Variants in PTPN23 observed in about 807,000 individuals in gnomAD.
PTPN23 encodes the protein tyrosine-protein phosphatase non-receptor type 23.
PTPN23 carries 72 observed loss-of-function variants against 156.3 expected under a neutral mutation model. The observed-to-expected ratio is 0.46, with a 90% CI of 0.38 to 0.56. The LOEUF is 0.56. Ranked by LOEUF, PTPN23 falls within the 20% of genes least tolerant of loss-of-function variation. The pLI is 0.00. For missense variants in PTPN23, 1,974 were observed against 2,171.5 expected, an observed-to-expected ratio of 0.91 and a Z score of 1.81; for synonymous variants, 957 against 899.6, an observed-to-expected ratio of 1.06 and a Z score of -1.14.
chr3:47,396,093 C>G, intron 1 of PTPN23, 50 bp from the exon 2 acceptor site: 1 of 1,498,222 alleles, frequency 6.7e-7, no homozygotes, highest in Non-Finnish European at 9.2e-7. Context: ...ACTCAGAGGG[C>G]AAGGCGGGGG....
chr3:47,400,687 C>T (rs1314280941), intron 2 of PTPN23, among the ~76,000 whole-genome samples: 4 of 152,152 alleles, frequency 2.6e-5, no homozygotes, highest in Admixed American at 1.3e-4. Context: ...GATTCTCCTG[C>T]CTCAGCCTCC....
intron 15 of PTPN23, 111 bp downstream of exon 15, chr3:47,408,601 G>T: frequency 2.7e-6 from 4 of 1,480,150 alleles, no homozygotes; most frequent in Non-Finnish European, 3.6e-6. Context: ...CTAGGCCCTG[G>T]CTTGGGCATC....
At position 47,405,478 on chromosome 3, in the gene PTPN23, A is replaced by C; in HGVS notation, c.365-271A>C. 4 of 553,274 alleles carry C rather than the reference A, an allele frequency of 7.2e-6. No individual in the cohort carries two copies. The highest frequency in any genetic ancestry group is 1.3e-5 in the Non-Finnish European group (4 of 310,646). 34.3% of individuals were successfully genotyped at this position (553,274 alleles called of 1,614,324 possible). A position where few individuals can be genotyped will look rare whatever the true frequency, so the allele number is the denominator to read the frequency against. The stretch of plus-strand genomic sequence containing the variant: ...TCAAGGGAGAAGCTTGGGGAGCCCC[A>C]GAGTTCTGTGCAAACATCCCTGAAG... On this transcript the variant is annotated intron_variant, in intron 4 of 24. Coordinates refer to ENST00000265562, the MANE Select transcript of PTPN23 (RefSeq NM_015466.4). The surrounding 1 kb of genome is among the most constrained non-coding windows in gnomAD (Gnocchi z 4.7).
At chr3:47,395,934 C>G (rs1439593564) in intron 1 of PTPN23, among the ~76,000 whole-genome samples, 2 of 151,576 alleles carry the variant, frequency 1.3e-5, no homozygotes, top group African/African-American at 4.8e-5. Context: ...TTAGGAGGAC[C>G]TGCCAGAGTG....
In PTPN23 at chr3:47,410,977, TG is replaced by T; in HGVS notation, c.3182del (p.Gly1061AlafsTer99). ...GGTCCTGCCCCTTCTACCAGACCCA[TG>T]GGCCCCCAGGCAGCCCCTCTTACCA... ...AYGPAPSTRPMGPQAAPLTIR... is the reference protein window; with the variant it reads ...AYGPAPSTRPXGPQAAPLTIR... On this transcript the variant is annotated frameshift_variant, in exon 20 of 25. Coordinates refer to ENST00000265562, the MANE Select transcript of PTPN23 (RefSeq NM_015466.4). LOFTEE classifies it high-confidence loss of function. 1 of 1,602,748 alleles carries T rather than the reference TG, an allele frequency of 6.2e-7. No individual in the cohort carries two copies. Among genetic ancestry groups the T allele is most frequent in the Non-Finnish European group, 8.5e-7 (1 of 1,174,944 alleles).
Position 47,405,586 on chromosome 3 carries a change from C to G in PTPN23, c.365-163C>G. On this transcript the variant is annotated intron_variant, in intron 4 of 24. Transcript: ENST00000265562. The surrounding 1 kb of genome is among the most constrained non-coding windows in gnomAD (Gnocchi z 4.7). Reference sequence around the variant, plus strand: ...GGAGACTGAGGGCTGGGCAGGACTTCTGAGTTTCCCTGTTCCCTCCAGCTT... The same window carrying G: ...GGAGACTGAGGGCTGGGCAGGACTTGTGAGTTTCCCTGTTCCCTCCAGCTT... The G allele has an allele frequency of 1.4e-6, 1 of 701,826 alleles. No homozygotes were observed. 43.5% of individuals were successfully genotyped at this position (701,826 alleles called of 1,614,324 possible).
At position 47,407,795 on chromosome 3, in the gene PTPN23, G is replaced by A; in HGVS notation, c.1102G>A (p.Ala368Thr). The A allele has an allele frequency of 3.7e-6, 6 of 1,614,190 alleles. No homozygotes were observed. The highest frequency in any genetic ancestry group is 5.1e-6 in the Non-Finnish European group (6 of 1,180,030). Residue 368 changes from alanine to threonine, a missense_variant, in exon 13 of 25, where the codon GCC (alanine) becomes ACC (threonine). By Grantham distance (58) the Ala-to-Thr change is moderately conservative. This residue lies in a region of PTPN23 where 726 missense variants were observed against 929.5 expected (regional missense o/e 0.78). Coordinates refer to ENST00000265562, the MANE Select transcript of PTPN23 (RefSeq NM_015466.4). This position sits in a 1 kb window ranked among gnomAD's most constrained non-coding sequence, Gnocchi z 4.0. ...AKLVPMAAHE[A>T]SSLYSEEKAK... Reference sequence around the variant, plus strand: ...ACTGGTACCCATGGCTGCCCACGAGGCCTCGTCACTGTACAGGTGGGTGGA... The same window carrying A: ...ACTGGTACCCATGGCTGCCCACGAGACCTCGTCACTGTACAGGTGGGTGGA...
chr3:47,408,094 G>T, intron 14 of PTPN23, 139 bp downstream of exon 14: 1 of 1,083,872 alleles, frequency 9.2e-7, no homozygotes. Flanking sequence ...CCCGCCTGGG[G>T]TGGTGGGGCT....
At chr3:47,400,655 C>T (rs975426851) in intron 2 of PTPN23, among the ~76,000 whole-genome samples, 9 of 152,048 alleles carry the variant, frequency 5.9e-5, no homozygotes, top group Non-Finnish European at 1.0e-4. Flanking sequence ...CTCACCACAA[C>T]CTCTGCCTCC....
chr3:47,397,764 G>C (rs375055065), intron 2 of PTPN23, among the ~76,000 whole-genome samples: 2 of 152,120 alleles, frequency 1.3e-5, no homozygotes, highest in South Asian at 2.1e-4. Flanking sequence ...CTACCTCCCA[G>C]GTTCAAGTGA....
rs184287415 is a variant in PTPN23, at chr3:47,403,828, C to G, written c.160-824C>G. ...ACATGTGTGAGCCCCTGCACCTGAC[C>G]TGGAGTCCAGTTTTTGACCCTGGTA... is the stretch of plus-strand genomic sequence containing the variant. On this transcript the variant is annotated intron_variant, in intron 2 of 24. Transcript: ENST00000265562. Among the ~76,000 whole-genome samples, 8 of 152,328 alleles carry G rather than the reference C, an allele frequency of 5.3e-5. No individual in the cohort carries two copies. The East Asian group carries it at 1.5e-3, about 29-fold the overall frequency.
chr3:47,396,279 A>C, intron 2 of PTPN23, 62 bp downstream of exon 2: 2 of 1,398,548 alleles, frequency 1.4e-6, no homozygotes, highest in Non-Finnish European at 2.0e-6. Context: ...TAGGGAGATA[A>C]AGAAACTGCC....
chr3:47,410,518 C>T lies in PTPN23; in HGVS notation c.2720C>T (p.Pro907Leu), dbSNP rs149516203. The T allele has an allele frequency of 2.3e-5, 37 of 1,609,718 alleles. No homozygotes were observed. The highest frequency in any genetic ancestry group is 4.5e-5 in the East Asian group (2 of 44,722). ...PRPNPTPAPP[P>L]PCFPVPPPQP... is the part of the protein sequence containing the mutation. ...CCAAACCCCACCCCTGCTCCTCCCC[C>T]GCCCTGCTTCCCTGTGCCCCCACCG... The change falls in exon 20 of 25, where the codon CCG (proline) becomes CTG (leucine). Residue 907 changes from proline to leucine, a missense_variant. By Grantham distance (98) the Pro-to-Leu change is moderately conservative. Transcript: ENST00000265562.
rs937077416 is a variant in PTPN23, at chr3:47,381,190, C to T, written c.84+10C>T. ...GCCAGCTGTGAAGAAGGTGAGCTTG[C>T]CTTCCATCTTCCCCCCTATCCGCCG... On this transcript the variant is annotated intron_variant, in intron 1 of 24. Transcript: ENST00000265562. The T allele has an allele frequency of 6.3e-7, 1 of 1,574,962 alleles. No individual in the cohort carries two copies. The highest frequency in any genetic ancestry group is 2.4e-5 in the East Asian group (1 of 42,166).
At chr3:47,397,962 C>T (rs191659221) in intron 2 of PTPN23, among the ~76,000 whole-genome samples, 12 of 152,230 alleles carry the variant, frequency 7.9e-5, no homozygotes, top group East Asian at 1.9e-4. Flanking sequence ...TGAGCCACCG[C>T]GCCCCGCCTG....
intron 2 of PTPN23, among the ~76,000 whole-genome samples, chr3:47,400,112 G>A (rs1184188170): frequency 6.6e-6 from 1 of 152,112 alleles, no homozygotes; most frequent in Admixed American, 6.6e-5. Context: ...GCCTAGTCTA[G>A]ATCACTGTTC....
chr3:47,398,034 G>A (rs955575724), intron 2 of PTPN23, among the ~76,000 whole-genome samples: 2 of 152,108 alleles, frequency 1.3e-5, no homozygotes, highest in East Asian at 1.9e-4. Context: ...AGTGGCTCAC[G>A]CCTGTAATGC....
rs1245072230 is a variant in PTPN23, at chr3:47,406,440, C to T, written c.627+35C>T. On this transcript the variant is annotated intron_variant, in intron 7 of 24. Coordinates refer to ENST00000265562, the MANE Select transcript of PTPN23 (RefSeq NM_015466.4). This position sits in a 1 kb window ranked among gnomAD's most constrained non-coding sequence, Gnocchi z 5.8. ...GGGCTGAGGGGAGGCCTTCACTTTA[C>T]TGCTGACTCCCCCACTCATTGGGCC... is the stretch of plus-strand genomic sequence containing the variant. The T allele has an allele frequency of 4.3e-6, 7 of 1,613,888 alleles. No individual in the cohort carries two copies. The East Asian group carries it at 1.3e-4, about 31-fold the overall frequency.
intron 1 of PTPN23, among the ~76,000 whole-genome samples, chr3:47,393,062 T>C (rs11712445): frequency 0.49 from 75,190 of 151,992 alleles, 20,229 homozygotes; most frequent in Non-Finnish European, 0.6. Context: ...CCTTGAACTC[T>C]TGGGGTCAAG....
Sources: gnomAD v4.1 joint callset for allele counts (sites outside exome capture counted in the v4.1 genomes callset) on GRCh38, gnomAD v4.1.1 for gene constraint, gnomAD v4.1.1 regional missense constraint, Gnocchi (gnomAD v3.1) non-coding constraint, MANE v1.5 for transcripts, NCBI Gene and HGNC (gene_info 2026-07-23, HGNC 2026-07-21) for gene names.